The following RANBP2 variants were observed in gnomAD, a reference collection of about 807,000 sequenced individuals.
RANBP2 encodes the protein E3 SUMO-protein ligase RanBP2.
Under a neutral mutation model 303.6 loss-of-function variants are expected in RANBP2, and 57 were observed. That is an observed-to-expected ratio of 0.19 (90% CI 0.15 to 0.23). The LOEUF is 0.23. Among genes scored for constraint, RANBP2 ranks in the 10% least tolerant of loss-of-function variants. The pLI is 1.00. For synonymous variants in RANBP2, 1,167 were observed against 1,301.5 expected, an observed-to-expected ratio of 0.90 and a Z score of 2.23; for missense variants, 3,138 against 3,780.8, an observed-to-expected ratio of 0.83 and a Z score of 4.46.
At chr2:109,400,999 G>T in the RANBP2 span, among the ~76,000 whole-genome samples, 4 of 152,220 alleles carry the variant, frequency 2.6e-5, no homozygotes, top group East Asian at 7.7e-4. Context: ...CCTGGGAGGG[G>T]CATGGTGACC....
chr2:109,398,721 C>T, the RANBP2 span: 1 of 1,613,132 alleles, frequency 6.2e-7, no homozygotes, highest in Non-Finnish European at 8.5e-7. Context: ...CTTTAAGCAG[C>T]TCAGGGGCGG....
At chr2:109,466,072 C>CTTTTTTTTTTTTTTT in the RANBP2 span, among the ~76,000 whole-genome samples, 15 of 82,334 alleles carry the variant, frequency 1.8e-4, 1 homozygote, top group East Asian at 4.5e-4. Context: ...ACCTGTACAT[C>CTTTTTTTTTTTTTTT]TTTTTTTTTT....
chr2:109,220,245 C>CT, the RANBP2 span, among the ~76,000 whole-genome samples: 2 of 152,120 alleles, frequency 1.3e-5, no homozygotes, highest in Non-Finnish European at 2.9e-5. Context: ...GAAGTCAGAC[C>CT]TTTATCTAAC....
chr2:109,458,401 T>A, the RANBP2 span, among the ~76,000 whole-genome samples: 6 of 152,154 alleles, frequency 3.9e-5, no homozygotes, highest in African/African-American at 1.4e-4. Context: ...GCCTTCTAAC[T>A]CTTATTTATT....
chr2:109,148,088 T>C, the RANBP2 span, among the ~76,000 whole-genome samples: 1 of 152,200 alleles, frequency 6.6e-6, no homozygotes. Context: ...ACCATCTGGC[T>C]GGGCTGCCAG....
At chr2:108,807,013 C>A in the RANBP2 span, among the ~76,000 whole-genome samples, 6 of 152,224 alleles carry the variant, frequency 3.9e-5, no homozygotes, top group East Asian at 1.2e-3. Flanking sequence ...AGTTCCTGAT[C>A]AGATTAAGGT....
At chr2:108,974,827 C>G in the RANBP2 span, among the ~76,000 whole-genome samples, 1 of 152,174 alleles carries the variant, frequency 6.6e-6, no homozygotes, top group Admixed American at 6.5e-5. Flanking sequence ...AATGGCAGAG[C>G]TGGGGTCTAG....
At chr2:109,622,829 T>G in the RANBP2 span, among the ~76,000 whole-genome samples, 8 of 152,192 alleles carry the variant, frequency 5.3e-5, no homozygotes, top group Non-Finnish European at 1.0e-4. Context: ...TAAAAGAATT[T>G]TGATAGTTCA....
At chr2:108,837,384 CA>C in the RANBP2 span, among the ~76,000 whole-genome samples, 1 of 152,172 alleles carries the variant, frequency 6.6e-6, no homozygotes, top group Admixed American at 6.5e-5. Context: ...GAATTAATCT[CA>C]CTTAGTCATG....
the RANBP2 span, among the ~76,000 whole-genome samples, chr2:109,130,736 AG>A: frequency 6.6e-6 from 1 of 152,180 alleles, no homozygotes; most frequent in East Asian, 1.9e-4. Context: ...GCTCCCAGGC[AG>A]GGTTGCATTC....
the RANBP2 span, among the ~76,000 whole-genome samples, chr2:109,629,232 A>AAAT: frequency 2.1e-4 from 29 of 135,756 alleles, no homozygotes; most frequent in Admixed American, 1.7e-3. Context: ...ATAAATAAAT[A>AAAT]AATAAAATGC....
At chr2:109,234,654 T>C in the RANBP2 span, among the ~76,000 whole-genome samples, 1 of 152,264 alleles carries the variant, frequency 6.6e-6, no homozygotes, top group African/African-American at 2.4e-5. Flanking sequence ...CACAGGGCTC[T>C]GCTTCTTGTT....
the RANBP2 span, among the ~76,000 whole-genome samples, chr2:108,878,118 C>G: frequency 6.6e-6 from 1 of 152,136 alleles, no homozygotes; most frequent in Non-Finnish European, 1.5e-5. Flanking sequence ...TGAAAGAAAA[C>G]AGTTTATTAA....
the RANBP2 span, among the ~76,000 whole-genome samples, chr2:109,365,356 G>A: frequency 6.6e-6 from 1 of 152,176 alleles, no homozygotes; most frequent in Non-Finnish European, 1.5e-5. Context: ...TTACAGTTCA[G>A]GCCCTCCTAG....
chr2:109,644,120 C>CA, the RANBP2 span, among the ~76,000 whole-genome samples: 539 of 96,890 alleles, frequency 5.6e-3, 3 homozygotes, highest in Middle Eastern at 0.018. Context: ...GACTCTGTCT[C>CA]AAAAAAAAAA....
the RANBP2 span, among the ~76,000 whole-genome samples, chr2:109,163,621 G>C: frequency 6.6e-6 from 1 of 151,612 alleles, no homozygotes; most frequent in East Asian, 2.0e-4. Context: ...GGATGGTCTC[G>C]ATCTCCTGAC....
chr2:109,430,446 C>T, the RANBP2 span, among the ~76,000 whole-genome samples: 2 of 151,830 alleles, frequency 1.3e-5, no homozygotes, highest in African/African-American at 4.8e-5. Flanking sequence ...TGGAAGCCAC[C>T]CTCCTCTCCT....
the RANBP2 span, among the ~76,000 whole-genome samples, chr2:109,197,565 G>A: frequency 2.1e-4 from 32 of 152,358 alleles, no homozygotes; most frequent in African/African-American, 7.2e-4. Context: ...GCCGGGGAGG[G>A]GTGGGAGGCC....
the RANBP2 span, among the ~76,000 whole-genome samples, chr2:109,239,741 C>T: frequency 1.3e-5 from 2 of 152,100 alleles, no homozygotes; most frequent in Non-Finnish European, 2.9e-5. Context: ...AATGGAGCCA[C>T]CTGTGGAAAG....
Sources: allele counts gnomAD v4.1 joint callset (sites outside exome capture counted in the v4.1 genomes callset), GRCh38; gene constraint gnomAD v4.1.1; transcripts MANE v1.5; gene names NCBI Gene and HGNC (gene_info 2026-07-23, HGNC 2026-07-21).